Variants in NKAIN2 observed in about 807,000 individuals in gnomAD.
NKAIN2 encodes sodium/potassium-transporting ATPase subunit beta-1-interacting protein 2.
In NKAIN2, 14 loss-of-function variants were observed where a neutral mutation model predicts 32.6. The ratio of observed to expected loss-of-function variants is 0.43; its 90% CI spans 0.28 to 0.67. The LOEUF is 0.67. Among genes scored for constraint, NKAIN2 ranks in the 30% least tolerant of loss-of-function variants. The pLI, the probability that NKAIN2 is intolerant of heterozygous loss-of-function variation, is 0.17. For synonymous variants in NKAIN2, 80 were observed against 87.2 expected (o/e 0.92, Z 0.46); for missense variants, 198 against 258.3 (o/e 0.77, Z 1.60).
At chr6:124,684,958 A>T (rs1583641684) in intron 4 of NKAIN2, among the ~76,000 whole-genome samples, 1 of 152,162 alleles carries the variant, frequency 6.6e-6, no homozygotes, top group Non-Finnish European at 1.5e-5. Flanking sequence ...TATCAGAAAG[A>T]TTCTTATCCA....
At chr6:123,960,602 C>T (rs933021827) in intron 1 of NKAIN2, among the ~76,000 whole-genome samples, 1 of 151,898 alleles carries the variant, frequency 6.6e-6, no homozygotes, top group African/African-American at 2.4e-5. Flanking sequence ...TTTTCAATAG[C>T]TCTTCACCTC....
chr6:124,776,733 A>G (rs1351769487), intron 4 of NKAIN2, among the ~76,000 whole-genome samples: 1 of 152,274 alleles, frequency 6.6e-6, no homozygotes, highest in East Asian at 1.9e-4. Flanking sequence ...AGTGTTTTCT[A>G]AGAGATAAAA....
At chr6:124,241,888 T>C (rs1486284279) in intron 1 of NKAIN2, among the ~76,000 whole-genome samples, 1 of 152,002 alleles carries the variant, frequency 6.6e-6, no homozygotes, top group African/African-American at 2.4e-5. Flanking sequence ...TTACACCTTA[T>C]ACAAAAATTA....
chr6:124,707,796 G>A (rs1417698443), intron 4 of NKAIN2, among the ~76,000 whole-genome samples: 2 of 152,018 alleles, frequency 1.3e-5, no homozygotes, highest in Non-Finnish European at 2.9e-5. Flanking sequence ...TAGGTTGCCT[G>A]TTCACTCTGA....
chr6:124,813,002 G>C (rs969165665), intron 5 of NKAIN2, among the ~76,000 whole-genome samples: 1 of 140,094 alleles, frequency 7.1e-6, no homozygotes. Context: ...CAAGTCGCAT[G>C]AAAGAAAACA....
chr6:123,837,828 CT>C (rs1240285825), intron 1 of NKAIN2, among the ~76,000 whole-genome samples: 1 of 152,052 alleles, frequency 6.6e-6, no homozygotes, highest in African/African-American at 2.4e-5. Context: ...AACATTCCAT[CT>C]TGTGGAAAGT....
At chr6:124,466,089 C>T (rs551715642) in intron 3 of NKAIN2, among the ~76,000 whole-genome samples, 2 of 138,956 alleles carry the variant, frequency 1.4e-5, no homozygotes, top group East Asian at 3.9e-4. Context: ...GTTTTACACA[C>T]AACGTTTGGC....
At chr6:123,967,346 T>C (rs1437403299) in intron 1 of NKAIN2, among the ~76,000 whole-genome samples, 2 of 152,246 alleles carry the variant, frequency 1.3e-5, no homozygotes, top group Admixed American at 6.5e-5. Context: ...GTCAGTATAA[T>C]TGGTTTTTCT....
At chr6:123,808,016 A>G (rs972860725) in intron 1 of NKAIN2, among the ~76,000 whole-genome samples, 9 of 152,214 alleles carry the variant, frequency 5.9e-5, no homozygotes, top group South Asian at 2.1e-4. Flanking sequence ...TTTCCTTAAG[A>G]TGTTGTGAGT....
intron 3 of NKAIN2, among the ~76,000 whole-genome samples, chr6:124,635,129 T>C (rs73573401): frequency 0.023 from 3,559 of 152,028 alleles, 123 homozygotes; most frequent in African/African-American, 0.08. Flanking sequence ...AAGAATACTA[T>C]GCACAGCATG....
chr6:124,222,620 A>G (rs1018566465), intron 1 of NKAIN2, among the ~76,000 whole-genome samples: 1 of 152,164 alleles, frequency 6.6e-6, no homozygotes, highest in African/African-American at 2.4e-5. Context: ...CCTGGCAGTC[A>G]GGTGATATCA....
At chr6:124,430,057 T>C (rs1276248070) in intron 3 of NKAIN2, among the ~76,000 whole-genome samples, 1 of 152,134 alleles carries the variant, frequency 6.6e-6, no homozygotes, top group Non-Finnish European at 1.5e-5. Context: ...AGACAAATAT[T>C]TCAAAATTCT....
chr6:124,374,340 A>C lies in NKAIN2; in HGVS notation c.273+18993A>C, dbSNP rs1163726349. ...AAAATGGAAAAGTGTATATGAATGG[A>C]GTGACCCACAAGAATCTATTTGACA... On this transcript the variant is annotated intron_variant, in intron 3 of 6. Coordinates refer to ENST00000368417, the MANE Select transcript of NKAIN2 (RefSeq NM_001040214.3). Among the ~76,000 whole-genome samples the C allele has an allele frequency of 2.6e-5, 4 of 152,048 alleles. No individual in the cohort carries two copies. In the South Asian group the frequency reaches 8.3e-4, roughly 32 times the overall value.
At chr6:124,037,909 C>A (rs1431936118) in intron 1 of NKAIN2, among the ~76,000 whole-genome samples, 1 of 152,156 alleles carries the variant, frequency 6.6e-6, no homozygotes, top group Non-Finnish European at 1.5e-5. Context: ...CTATGTTCAA[C>A]AAGTTTGACG....
chr6:123,865,424 AT>A (rs1158908256), intron 1 of NKAIN2, among the ~76,000 whole-genome samples: 2 of 152,056 alleles, frequency 1.3e-5, no homozygotes, highest in African/African-American at 4.8e-5. Flanking sequence ...AGTAAGCAGT[AT>A]TTTTACATTC....
At chr6:124,091,306 A>G (rs1784408649) in intron 1 of NKAIN2, among the ~76,000 whole-genome samples, 1 of 151,990 alleles carries the variant, frequency 6.6e-6, no homozygotes, top group African/African-American at 2.4e-5. Flanking sequence ...CTATGTCAGA[A>G]CTGGAAAGAG....
At chr6:124,499,908 TG>T (rs1294420547) in intron 3 of NKAIN2, among the ~76,000 whole-genome samples, 1 of 152,188 alleles carries the variant, frequency 6.6e-6, no homozygotes, top group African/African-American at 2.4e-5. Flanking sequence ...AGAGGCTGAG[TG>T]TCTTTATGAA....
chr6:124,277,826 A>G (rs1795106933), intron 1 of NKAIN2, among the ~76,000 whole-genome samples: 1 of 152,090 alleles, frequency 6.6e-6, no homozygotes, highest in Non-Finnish European at 1.5e-5. Context: ...TTCCATTTAT[A>G]ATTTAGCACT....
At chr6:124,015,919 T>A (rs1780549141) in intron 1 of NKAIN2, among the ~76,000 whole-genome samples, 1 of 152,164 alleles carries the variant, frequency 6.6e-6, no homozygotes, top group African/African-American at 2.4e-5. Flanking sequence ...ATTTTTCTCC[T>A]GGAATACATC....
Sources: allele counts gnomAD v4.1 joint callset (sites outside exome capture counted in the v4.1 genomes callset), GRCh38; gene constraint gnomAD v4.1.1; transcripts MANE v1.5; gene names NCBI Gene and HGNC (gene_info 2026-07-23, HGNC 2026-07-21).